The following RTL4 variants were observed in gnomAD, a reference collection of about 807,000 sequenced individuals.
The protein encoded by RTL4 is retrotransposon Gag-like protein 4.
Under a neutral mutation model 5.3 loss-of-function variants are expected in RTL4, and 4 were observed. The observed-to-expected ratio is 0.75, with a 90% CI of 0.37 to 1.72. The LOEUF (loss-of-function observed/expected upper bound fraction) is 1.72, where lower values mean the gene tolerates loss of function less well. Among genes scored for constraint, RTL4 ranks in the 40% most tolerant of loss-of-function variants. The pLI is 0.04. For synonymous variants in RTL4, 98 were observed against 87.3 expected (o/e 1.12, Z -0.68); for missense variants, 260 against 227.1 (o/e 1.14, Z -0.93).
the RTL4 span, among the ~76,000 whole-genome samples, chrX:112,110,254 G>A: frequency 1.8e-5 from 2 of 112,460 alleles, no homozygotes; most frequent in East Asian, 5.7e-4. Context: ...CAGCAGTGAG[G>A]AGGTCTAGGC....
exon 1 of RTL4, chrX:112,455,166 T>G: frequency 1.7e-6 from 2 of 1,211,689 alleles, no homozygotes; most frequent in Non-Finnish European, 2.2e-6. Context: ...AAATCAATCC[T>G]CTGATGAATG....
At chrX:112,399,628 A>T in the RTL4 span, among the ~76,000 whole-genome samples, 3 of 111,287 alleles carry the variant, frequency 2.7e-5, no homozygotes, top group Non-Finnish European at 5.7e-5. Context: ...ACAGTTGATT[A>T]TCTTTAAAAG....
the RTL4 span, among the ~76,000 whole-genome samples, chrX:112,258,844 T>C: frequency 8.9e-6 from 1 of 111,855 alleles, no homozygotes; most frequent in South Asian, 3.7e-4. Context: ...ATTTTATTTT[T>C]TATTCTTAAG....
chrX:112,090,913 A>G, the RTL4 span, among the ~76,000 whole-genome samples: 1 of 111,452 alleles, frequency 9.0e-6, no homozygotes, highest in Non-Finnish European at 1.9e-5. Flanking sequence ...TGGACTGATC[A>G]GTCATTCAAT....
the RTL4 span, among the ~76,000 whole-genome samples, chrX:112,121,874 T>C: frequency 9.0e-6 from 1 of 111,729 alleles, no homozygotes; most frequent in Non-Finnish European, 1.9e-5. Flanking sequence ...CACCACATAT[T>C]ATCACAATAG....
the RTL4 span, among the ~76,000 whole-genome samples, chrX:112,156,080 T>C: frequency 8.9e-6 from 1 of 111,979 alleles, no homozygotes; most frequent in East Asian, 2.8e-4. Flanking sequence ...CATTGTGGGA[T>C]CATTGAGGAT....
the RTL4 span, among the ~76,000 whole-genome samples, chrX:112,131,597 C>G: frequency 9.0e-6 from 1 of 111,723 alleles, no homozygotes; most frequent in South Asian, 3.7e-4. Context: ...TAACAAATGC[C>G]TTTTTTCCCC....
chrX:112,210,233 T>C, the RTL4 span, among the ~76,000 whole-genome samples: 1 of 112,279 alleles, frequency 8.9e-6, no homozygotes, highest in Non-Finnish European at 1.9e-5. Context: ...CATTTTAGGA[T>C]AGTGGTTAAT....
At chrX:112,353,874 T>C in the RTL4 span, among the ~76,000 whole-genome samples, 1 of 111,357 alleles carries the variant, frequency 9.0e-6, no homozygotes, top group African/African-American at 3.3e-5. Context: ...TTTGGTGTGC[T>C]GTGGGTTAGA....
the RTL4 span, among the ~76,000 whole-genome samples, chrX:112,265,900 C>A: frequency 9.1e-6 from 1 of 110,319 alleles, no homozygotes; most frequent in Non-Finnish European, 1.9e-5. Context: ...GAGCCATACA[C>A]CTGAAACTCT....
At chrX:112,139,869 A>G in the RTL4 span, among the ~76,000 whole-genome samples, 11 of 111,342 alleles carry the variant, frequency 9.9e-5, no homozygotes, top group Non-Finnish European at 1.9e-4. Context: ...AATAAGTCTC[A>G]CGAGATCTGA....
chrX:112,376,157 A>G, the RTL4 span, among the ~76,000 whole-genome samples: 1 of 111,701 alleles, frequency 9.0e-6, no homozygotes, highest in African/African-American at 3.3e-5. Flanking sequence ...ACAGCCCCTC[A>G]AAACGAAGAT....
the RTL4 span, among the ~76,000 whole-genome samples, chrX:112,169,459 C>T: frequency 2.7e-5 from 3 of 111,019 alleles, no homozygotes; most frequent in South Asian, 1.2e-3. Context: ...CTCTTGGGGT[C>T]TGAATTAAGA....
At chrX:112,125,877 T>C in the RTL4 span, among the ~76,000 whole-genome samples, 3 of 112,151 alleles carry the variant, frequency 2.7e-5, no homozygotes, top group African/African-American at 9.7e-5. Context: ...CAGAGAGCTA[T>C]AAGCTGAGCT....
the RTL4 span, among the ~76,000 whole-genome samples, chrX:112,354,549 A>C: frequency 8.9e-6 from 1 of 111,926 alleles, no homozygotes; most frequent in African/African-American, 3.2e-5. Flanking sequence ...GCATTGATAT[A>C]AATGGAAATC....
chrX:112,311,022 A>G, the RTL4 span, among the ~76,000 whole-genome samples: 21 of 106,175 alleles, frequency 2.0e-4, no homozygotes, highest in African/African-American at 7.2e-4. Context: ...CAAAGGGGGA[A>G]CTTGAGATGA....
At chrX:112,228,080 G>A in the RTL4 span, among the ~76,000 whole-genome samples, 8 of 111,841 alleles carry the variant, frequency 7.2e-5, no homozygotes, top group East Asian at 2.3e-3. Flanking sequence ...CTTGCTGACA[G>A]GCCAGGGACG....
chrX:112,309,873 C>CAT, the RTL4 span, among the ~76,000 whole-genome samples: 2 of 102,574 alleles, frequency 1.9e-5, no homozygotes, highest in African/African-American at 3.7e-5. Context: ...TATATACATA[C>CAT]ATATATATAC....
At chrX:112,122,226 T>C in the RTL4 span, among the ~76,000 whole-genome samples, 11 of 111,953 alleles carry the variant, frequency 9.8e-5, no homozygotes, top group Admixed American at 1.0e-3. Flanking sequence ...GTAGTACATA[T>C]ACATAATGGA....
Sources: gnomAD v4.1 joint callset for allele counts (sites outside exome capture counted in the v4.1 genomes callset) on GRCh38, gnomAD v4.1.1 for gene constraint, MANE v1.5 for transcripts, NCBI Gene and HGNC (gene_info 2026-07-23, HGNC 2026-07-21) for gene names.